MS4A4A: variants seen among roughly 807,000 people sequenced by gnomAD.
MS4A4A encodes the protein membrane spanning 4-domains A4A.
In MS4A4A, 26 loss-of-function variants were observed where a neutral mutation model predicts 28.0. That is an observed-to-expected ratio of 0.93 (90% CI 0.68 to 1.29). The LOEUF (loss-of-function observed/expected upper bound fraction) is 1.29, where lower values mean the gene tolerates loss of function less well. MS4A4A is among the 50% of genes most tolerant of loss of function. The pLI, the probability that MS4A4A is intolerant of heterozygous loss-of-function variation, is 0.00. For missense variants in MS4A4A, 290 were observed against 293.1 expected (o/e 0.99, Z 0.08); for synonymous variants, 86 against 100.8 (o/e 0.85, Z 0.88).
chr11:60,306,045 G>T (rs2084996727), intron 5 of MS4A4A, 55 bp from the exon 6 acceptor site: 2 of 1,436,476 alleles, frequency 1.4e-6, no homozygotes, highest in African/African-American at 2.8e-5. Context: ...ACTGGGAAAT[G>T]TTTTCACTTG....
chr11:60,285,469 C>T (rs1048919896), intron 1 of MS4A4A, among the ~76,000 whole-genome samples: 7 of 152,122 alleles, frequency 4.6e-5, no homozygotes, highest in Admixed American at 3.9e-4. Context: ...CAGAATGAGA[C>T]CCTGTCTCAA....
chr11:60,283,004 G>A (rs1407352475), intron 1 of MS4A4A, among the ~76,000 whole-genome samples: 1 of 152,162 alleles, frequency 6.6e-6, no homozygotes, highest in East Asian at 1.9e-4. Flanking sequence ...GAGAAGATGG[G>A]AGAAATACAC....
At chr11:60,302,486 G>T in intron 4 of MS4A4A, 73 bp from the exon 5 acceptor site, 2 of 1,399,050 alleles carry the variant, frequency 1.4e-6, no homozygotes, top group Admixed American at 1.9e-5. Flanking sequence ...AGAGATGGTG[G>T]GTGTAAAGTG....
At chr11:60,282,894 A>G (rs1171127257) in intron 1 of MS4A4A, among the ~76,000 whole-genome samples, 5 of 152,216 alleles carry the variant, frequency 3.3e-5, no homozygotes, top group Admixed American at 1.3e-4. Context: ...TGGCTACAAC[A>G]TCAGTGGTGG....
At chr11:60,289,850 T>G (rs2084838302) in intron 1 of MS4A4A, among the ~76,000 whole-genome samples, 1 of 152,222 alleles carries the variant, frequency 6.6e-6, no homozygotes, top group South Asian at 2.1e-4. Context: ...TTTAACACAT[T>G]GGCCAATTGT....
chr11:60,284,096 C>T (rs1272278376), intron 1 of MS4A4A, among the ~76,000 whole-genome samples: 1 of 152,204 alleles, frequency 6.6e-6, no homozygotes, highest in Non-Finnish European at 1.5e-5. Flanking sequence ...TTTAGTGGAT[C>T]CCCTTAAGCA....
At position 60,291,796 on chromosome 11, in the gene MS4A4A, CA is replaced by C. The variant is rs60913455; in HGVS notation, c.42-417del. Among the ~76,000 whole-genome samples the C allele has an allele frequency of 1.5e-4, 20 of 133,980 alleles. No homozygotes were observed. In the East Asian group the frequency reaches 2.8e-3, roughly 19 times the overall value. The allele number at this position is 133,980 out of a possible 152,430, so 87.9% of individuals were successfully genotyped here. On this transcript the variant is annotated intron_variant, in intron 1 of 6. Coordinates refer to ENST00000337908, the MANE Select transcript of MS4A4A (RefSeq NM_148975.3). Reference sequence around the variant, plus strand: ...CTGGTGACAGCGTGAGACTCCATCTCAAAAAAAAAAAACAAAAAAACAAAAC... The same window carrying C: ...CTGGTGACAGCGTGAGACTCCATCTCAAAAAAAAAAACAAAAAAACAAAAC...
rs1283801965 is a variant in MS4A4A at position 60,297,234 on chromosome 11, T to C, written c.239T>C (p.Met80Thr). The change falls in exon 3 of 7, where the codon ATG becomes ACG. Residue 80 changes from methionine (M) to threonine (T), a missense_variant. Coordinates refer to ENST00000337908, the MANE Select transcript of MS4A4A (RefSeq NM_148975.3). The stretch of plus-strand genomic sequence containing the variant: ...CTGACTGCCCTGATGAGCCTTAGCA[T>C]GGGAATAACAATGATGTGTATGGCA... ...QILTALMSLS[M>T]GITMMCMASN... is the part of the protein sequence containing the mutation. 6.2e-7 allele frequency: 1 copy of C among 1,613,512 alleles called. No individual in the cohort carries two copies. The highest frequency in any genetic ancestry group is 1.3e-5 in the African/African-American group (1 of 74,918).
intron 3 of MS4A4A, among the ~76,000 whole-genome samples, chr11:60,297,738 T>C (rs1192431532): frequency 6.6e-6 from 1 of 152,164 alleles, no homozygotes; most frequent in African/African-American, 2.4e-5. Flanking sequence ...TTGGTAAATA[T>C]TTCATATACA....
rs555058588 is a variant in MS4A4A at position 60,308,476 on chromosome 11, A to G, written c.*298A>G. 3.9e-5 allele frequency: 12 copies of G among 303,858 alleles called. No homozygotes were observed. The highest frequency in any genetic ancestry group is 2.5e-4 in the South Asian group (2 of 7,930). The allele number at this position is 303,858 out of a possible 1,614,324, so 18.8% of individuals were successfully genotyped here. A position where few individuals can be genotyped will look rare whatever the true frequency, so the allele number is the denominator to read the frequency against. ...AGGCAACAGCACTTGAAAGTTTTTC[A>G]TTCATCATAAGAACTTTATATAAAG... On this transcript the variant is annotated 3_prime_UTR_variant, in exon 7 of 7. Transcript: ENST00000337908.
chr11:60,298,233 G>A (rs540436403), intron 3 of MS4A4A, among the ~76,000 whole-genome samples: 30 of 152,194 alleles, frequency 2.0e-4, no homozygotes, highest in Non-Finnish European at 3.8e-4. Flanking sequence ...GTTTATGTTA[G>A]AATCAGGGAA....
chr11:60,292,767 GC>G (rs2084869262), intron 2 of MS4A4A, among the ~76,000 whole-genome samples: 1 of 152,040 alleles, frequency 6.6e-6, no homozygotes, highest in Non-Finnish European at 1.5e-5. Flanking sequence ...CCTTTTCTTA[GC>G]CCCCTGCTCA....
intron 1 of MS4A4A, 39 bp downstream of exon 1, chr11:60,280,755 A>C: frequency 4.3e-6 from 7 of 1,611,482 alleles, no homozygotes; most frequent in Non-Finnish European, 5.9e-6. Context: ...TTTCGGGCTG[A>C]TGGCTTGTTT....
intron 1 of MS4A4A, among the ~76,000 whole-genome samples, chr11:60,283,947 C>T (rs2135008251): frequency 6.6e-6 from 1 of 152,324 alleles, no homozygotes; most frequent in Non-Finnish European, 1.5e-5. Context: ...GCCTCTTGGC[C>T]CACCTCTACG....
At chr11:60,305,891 G>T in intron 5 of MS4A4A, 1 of 561,986 alleles carries the variant, frequency 1.8e-6, no homozygotes, top group Non-Finnish European at 3.2e-6. Flanking sequence ...CTGAACTAGG[G>T]AATAAATGTC....
chr11:60,294,261 G>A (rs569667476), intron 2 of MS4A4A, among the ~76,000 whole-genome samples: 9 of 152,124 alleles, frequency 5.9e-5, no homozygotes, highest in South Asian at 4.1e-4. Context: ...ATCTTCTTTC[G>A]TAAGGTGTCT....
chr11:60,290,113 A>C (rs751877430), intron 1 of MS4A4A: 5 of 444,568 alleles, frequency 1.1e-5, no homozygotes, highest in South Asian at 8.0e-5. Context: ...TCAGAGACTG[A>C]TTGCCTTCTA....
intron 2 of MS4A4A, 78 bp downstream of exon 2, chr11:60,292,462 C>A: frequency 7.2e-7 from 1 of 1,394,460 alleles, no homozygotes; most frequent in South Asian, 1.6e-5. Context: ...ATACACTGTC[C>A]CACTAGCCTC....
chr11:60,303,833 T>C (rs1187970642), intron 5 of MS4A4A, among the ~76,000 whole-genome samples: 1 of 152,240 alleles, frequency 6.6e-6, no homozygotes, highest in Non-Finnish European at 1.5e-5. Flanking sequence ...TCTTCGCTTA[T>C]GTAAACGTGG....
Sources: allele counts gnomAD v4.1 joint callset (sites outside exome capture counted in the v4.1 genomes callset), GRCh38; gene constraint gnomAD v4.1.1; transcripts MANE v1.5; gene names NCBI Gene and HGNC (gene_info 2026-07-23, HGNC 2026-07-21).